ANK3: variants seen among roughly 807,000 people sequenced by gnomAD.
ANK3 encodes ankyrin-3.
Under a neutral mutation model 370.9 loss-of-function variants are expected in ANK3, and 57 were observed. The observed-to-expected ratio is 0.15, with a 90% confidence interval of 0.12 to 0.19. ANK3 has a LOEUF of 0.19. Among genes scored for constraint, ANK3 ranks in the 10% least tolerant of loss-of-function variants. The pLI is 1.00. For missense variants in ANK3, 4,439 were observed against 5,302.1 expected (o/e 0.84, Z 5.06); for synonymous variants, 1,929 against 1,946.3 (o/e 0.99, Z 0.23).
At chr10:60,246,251 G>A (rs7097529) in intron 7 of ANK3, among the ~76,000 whole-genome samples, 97,996 of 125,658 alleles carry the variant, frequency 0.78, 37,064 homozygotes, top group East Asian at 0.87. Context: ...GAGAAACCCT[G>A]TATCAAAAAA....
chr10:60,536,934 G>A (rs980565878), intron 2 of ANK3, among the ~76,000 whole-genome samples: 1 of 151,982 alleles, frequency 6.6e-6, no homozygotes, highest in Non-Finnish European at 1.5e-5. Context: ...CTAAATTAAA[G>A]TAATCCCAAT....
rs532440752 is a variant in ANK3 at position 60,085,367 on chromosome 10, C to A, written c.3749-114G>T. The A allele has an allele frequency of 2.6e-4, 181 of 688,086 alleles. 2 individuals carry two copies. The highest frequency in any genetic ancestry group is 2.5e-3 in the Middle Eastern group (10 of 4,014). The allele number at this position is 688,086 out of a possible 1,614,324, so 42.6% of individuals were successfully genotyped here. ...GCCACAAACTGGCAAAACTTCAACACCTTCAGTTTAATAGTGTGTACTAAA... is the reference window on the plus strand; with the variant it reads ...GCCACAAACTGGCAAAACTTCAACAACTTCAGTTTAATAGTGTGTACTAAA... On this transcript the variant is annotated intron_variant, in intron 30 of 43. Transcript: ENST00000280772.
Position 60,072,979 on chromosome 10 carries a change from C to T in ANK3, c.7902G>A (p.Val2634=). ...TGGATGCCAGCAGTTCTGTCAGTAG[C>T]ACTTTCTCAGGGCTGCTACTGGTAG... The part of the protein sequence containing the change: ...QSPTSSSPEK[V]LLTELLASND... The change falls in exon 37 of 44, where the codon GTG becomes GTA. Residue 2634 remains valine (V), a synonymous_variant. Transcript: ENST00000280772. The T allele has an allele frequency of 6.2e-7, 1 of 1,614,124 alleles. No individual in the cohort carries two copies. The highest frequency in any genetic ancestry group is 8.5e-7 in the Non-Finnish European group (1 of 1,180,006).
intron 2 of ANK3, among the ~76,000 whole-genome samples, chr10:60,395,709 G>A (rs1056146299): frequency 6.6e-5 from 10 of 151,352 alleles, no homozygotes; most frequent in Non-Finnish European, 8.8e-5. Flanking sequence ...CACTTGTGCC[G>A]AAAGAAGCAT....
chr10:60,137,218 G>A lies in ANK3; in HGVS notation c.2738+1746C>T, dbSNP rs556746631. 5 of 178,822 alleles carry A rather than the reference G, an allele frequency of 2.8e-5. No individual in the cohort carries two copies. In the South Asian group the frequency reaches 4.9e-4, roughly 18 times the overall value. 11.1% of individuals were successfully genotyped at this position (178,822 alleles called of 1,614,324 possible). ...CTGATGTTTCTAAAGCTTTTGAGCA[G>A]AAAAAAAGAAAGCACATCGCAGCAC... On this transcript the variant is annotated intron_variant, in intron 24 of 43. Coordinates refer to ENST00000280772, the MANE Select transcript of ANK3 (RefSeq NM_020987.5).
chr10:60,492,184 CAT>C (rs1175009085), intron 2 of ANK3, among the ~76,000 whole-genome samples: 1 of 152,134 alleles, frequency 6.6e-6, no homozygotes, highest in Non-Finnish European at 1.5e-5. Flanking sequence ...TGTGTAAGGA[CAT>C]GTTGTGATGT....
chr10:60,728,470 A>C (rs2079974076), intron 1 of ANK3, among the ~76,000 whole-genome samples: 2 of 152,236 alleles, frequency 1.3e-5, no homozygotes, highest in Admixed American at 1.3e-4. Flanking sequence ...AACATTTGGA[A>C]AATTATTCTA....
At chr10:60,724,018 G>T in intron 1 of ANK3, among the ~76,000 whole-genome samples, 1 of 143,370 alleles carries the variant, frequency 7.0e-6, no homozygotes, top group Non-Finnish European at 1.5e-5. Flanking sequence ...AGACCATCCT[G>T]GCTAACACGG....
In ANK3 at chr10:60,088,280, A is replaced by T; in HGVS notation, c.3407T>A (p.Val1136Glu). The T allele has an allele frequency of 6.2e-7, 1 of 1,614,208 alleles. No individual in the cohort carries two copies. Among genetic ancestry groups the T allele is most frequent in the Non-Finnish European group, 8.5e-7 (1 of 1,180,016 alleles). ...ITKDFPQYFA[V>E]VSRIKQESNQ... ...GCTTTCCTGCTTAATCCGGGAAACC[A>T]CTGCAAAATACTGGGGGAAATCTTT... Residue 1136 changes from valine (V) to glutamate (E), a missense_variant, in exon 29 of 44, where the codon GTG becomes GAG. Transcript: ENST00000280772.
chr10:60,233,020 G>A (rs897667996), intron 8 of ANK3, among the ~76,000 whole-genome samples: 15 of 152,198 alleles, frequency 9.9e-5, no homozygotes, highest in African/African-American at 3.1e-4. Context: ...AAAACCCTTC[G>A]ATAGATGGAT....
intron 1 of ANK3, among the ~76,000 whole-genome samples, chr10:60,672,915 A>G (rs1198962556): frequency 6.6e-6 from 1 of 152,222 alleles, no homozygotes; most frequent in African/African-American, 2.4e-5. Context: ...ATTGGTTGTT[A>G]GTGGGGAGAA....
rs2082921910 is a variant in ANK3 at position 60,072,515 on chromosome 10, G to A, written c.8366C>T (p.Thr2789Ile). The change falls in exon 37 of 44, where the codon ACC (threonine) becomes ATC (isoleucine). Residue 2789 changes from threonine to isoleucine, a missense_variant. Physicochemically the swap from Thr to Ile is moderately conservative, Grantham distance 89 (BLOSUM62 -1). Around this residue, in one of 13 missense-constraint regions of ANK3, gnomAD observed 1,601 missense variants for 1,731.7 expected, o/e 0.92. Transcript: ENST00000280772. The part of the protein sequence containing the change: ...SVQKDFMVLK[T>I]KDEHAQSNEI... Reference sequence around the variant, plus strand: ...GTTGCTTTGGGCATGCTCATCTTTGGTTTTTAATACCATAAAATCTTTTTG... The same window carrying A: ...GTTGCTTTGGGCATGCTCATCTTTGATTTTTAATACCATAAAATCTTTTTG... The A allele has an allele frequency of 1.2e-6, 2 of 1,613,600 alleles. No individual in the cohort carries two copies. The highest frequency in any genetic ancestry group is 2.2e-5 in the South Asian group (2 of 90,988).
chr10:60,034,192 C>T (rs917827887), intron 43 of ANK3, among the ~76,000 whole-genome samples: 5 of 150,774 alleles, frequency 3.3e-5, no homozygotes, highest in Non-Finnish European at 5.9e-5. Context: ...CTGCAACCTC[C>T]ACCTCCCGGG....
At chr10:60,168,797 T>C (rs1591168578) in intron 21 of ANK3, among the ~76,000 whole-genome samples, 1 of 152,224 alleles carries the variant, frequency 6.6e-6, no homozygotes, top group Admixed American at 6.5e-5. Context: ...ATGTGGTGTT[T>C]GGTTTTCTGT....
intron 2 of ANK3, among the ~76,000 whole-genome samples, chr10:60,442,575 A>G (rs1369370734): frequency 6.6e-6 from 1 of 152,210 alleles, no homozygotes; most frequent in East Asian, 1.9e-4. Flanking sequence ...ATCTGCAGAT[A>G]TGTAACCTAT....
At chr10:60,205,918 T>C (rs750925685) in intron 10 of ANK3, 28 bp from the exon 11 acceptor site, 3 of 1,396,178 alleles carry the variant, frequency 2.1e-6, no homozygotes, top group East Asian at 2.3e-5. Context: ...ATATACCTGC[T>C]TGACTACATT....
At chr10:60,462,948 G>C (rs1382274853) in intron 2 of ANK3, among the ~76,000 whole-genome samples, 2 of 151,932 alleles carry the variant, frequency 1.3e-5, no homozygotes, top group Non-Finnish European at 2.9e-5. Flanking sequence ...TTGTCTCCCA[G>C]GCTGGAGTTC....
chr10:60,540,985 T>C (rs1367484718), intron 2 of ANK3, among the ~76,000 whole-genome samples: 1 of 151,860 alleles, frequency 6.6e-6, no homozygotes, highest in Non-Finnish European at 1.5e-5. Flanking sequence ...ATAACAAATA[T>C]ATATCAAAAG....
chr10:60,730,050 C>A (rs7101221), intron 1 of ANK3, among the ~76,000 whole-genome samples: 1 of 152,212 alleles, frequency 6.6e-6, no homozygotes, highest in South Asian at 2.1e-4. Flanking sequence ...ATATTTCAAC[C>A]ATGCATGTAG....
Sources: allele counts gnomAD v4.1 joint callset (sites outside exome capture counted in the v4.1 genomes callset), GRCh38; gene constraint gnomAD v4.1.1; regional missense constraint gnomAD v4.1.1; transcripts MANE v1.5; gene names NCBI Gene and HGNC (gene_info 2026-07-23, HGNC 2026-07-21).